The following ZNF668 variants were observed in gnomAD, a reference collection of about 807,000 sequenced individuals.
ZNF668 encodes the protein zinc finger protein 668.
ZNF668 carries 10 observed loss-of-function variants against 40.3 expected under a neutral mutation model. The observed-to-expected ratio is 0.25, with a 90% CI of 0.15 to 0.42. The LOEUF is 0.42. Among genes scored for constraint, ZNF668 ranks in the 10% least tolerant of loss-of-function variants. The pLI is 1.00. For synonymous variants in ZNF668, 428 were observed against 384.6 expected, an observed-to-expected ratio of 1.11 and a Z score of -1.32; for missense variants, 749 against 904.6, an observed-to-expected ratio of 0.83 and a Z score of 2.21.
At chr16:31,071,074 TG>T (rs1437918102) in intron 1 of ZNF668, among the ~76,000 whole-genome samples, 1 of 151,968 alleles carries the variant, frequency 6.6e-6, no homozygotes, top group Non-Finnish European at 1.5e-5. Context: ...TAGGCTGGTC[TG>T]GAACTCCTGA....
intron 1 of ZNF668, chr16:31,073,375 A>G (rs2057032918): frequency 6.6e-6 from 1 of 152,032 alleles, no homozygotes; most frequent in Admixed American, 6.6e-5. Flanking sequence ...AACCCAAAAC[A>G]TGGCGGGCTC....
chr16:31,066,435 A>G, intron 1 of ZNF668: 1 of 940,154 alleles, frequency 1.1e-6, no homozygotes, highest in Non-Finnish European at 1.3e-6. Flanking sequence ...CATGCGCCTT[A>G]AGTCCCAGCT....
At chr16:31,070,267 G>A (rs1436313345) in intron 1 of ZNF668, among the ~76,000 whole-genome samples, 2 of 150,440 alleles carry the variant, frequency 1.3e-5, no homozygotes, top group African/African-American at 2.5e-5. Context: ...GAGTGCAATG[G>A]CACAATATCT....
chr16:31,062,316 A>C, intron 2 of ZNF668, 36 bp from the exon 3 acceptor site: 2 of 1,561,154 alleles, frequency 1.3e-6, no homozygotes, highest in East Asian at 4.5e-5. Context: ...TGAAGGCGAC[A>C]GACCCATAAC....
chr16:31,067,520 G>A (rs1012773253), intron 1 of ZNF668, among the ~76,000 whole-genome samples: 6 of 152,178 alleles, frequency 3.9e-5, no homozygotes, highest in Admixed American at 3.3e-4. Flanking sequence ...TAGAACCTCA[G>A]TTTTCTAATC....
At chr16:31,070,440 T>C (rs1311920406) in intron 1 of ZNF668, among the ~76,000 whole-genome samples, 2 of 147,258 alleles carry the variant, frequency 1.4e-5, no homozygotes, top group Admixed American at 1.4e-4. Flanking sequence ...ACTCCTGACC[T>C]CAAGTGATCC....
At chr16:31,063,750 A>G in intron 2 of ZNF668, 63 bp downstream of exon 2, 3 of 1,445,092 alleles carry the variant, frequency 2.1e-6, no homozygotes, top group Non-Finnish European at 9.1e-7. Flanking sequence ...CCCAGGCCCC[A>G]TTGGCTGCAG....
chr16:31,062,754 A>G (rs2143759085), intron 2 of ZNF668: 1 of 109,926 alleles, frequency 9.1e-6, no homozygotes, highest in East Asian at 2.5e-4. Flanking sequence ...GCAGAGCGAG[A>G]CTCCGTCTCA....
In ZNF668 at chr16:31,073,701, C is replaced by A. The variant is rs1159136331; in HGVS notation, c.-65G>T. 6.6e-6 allele frequency: 1 copy of A among 152,244 alleles called. No individual in the cohort carries two copies. The highest frequency in any genetic ancestry group is 2.4e-5 in the African/African-American group (1 of 41,460). 9.4% of individuals were successfully genotyped at this position (152,244 alleles called of 1,614,324 possible). A position where few individuals can be genotyped will look rare whatever the true frequency, so the allele number is the denominator to read the frequency against. On this transcript the variant is annotated 5_prime_UTR_variant, in exon 1 of 3. It adds an upstream start codon to the 5' untranslated region. Coordinates refer to ENST00000300849, the MANE Select transcript of ZNF668 (RefSeq NM_024706.5). ...GACTCCGTGGCGTCGGCGTCGGCTC[C>A]TCGCACCGACGGAGCCCGGACCCTG...
chr16:31,064,355 G>A lies in ZNF668; in HGVS notation c.105C>T (p.Pro35=). ...GTGTGGCAGCGTGGCGCGCTGCCCTGGGCGCGTTTGGAAATGTCTTGGTAC... is the reference window on the plus strand; with the variant it reads ...GTGTGGCAGCGTGGCGCGCTGCCCTAGGCGCGTTTGGAAATGTCTTGGTAC... ...LSCTKTFPNA[P]RAARHAATHG... The change falls in exon 2 of 3, where the codon CCC becomes CCT. Residue 35 remains proline (P), a synonymous_variant. Transcript: ENST00000300849. 1 of 1,613,962 alleles carries A rather than the reference G, an allele frequency of 6.2e-7. No individual in the cohort carries two copies. Among genetic ancestry groups the A allele is most frequent in the Non-Finnish European group, 8.5e-7 (1 of 1,180,040 alleles).
chr16:31,061,329 C>A lies in ZNF668; in HGVS notation c.1599G>T (p.Arg533=). Residue 533 remains arginine (R), a synonymous_variant, in exon 3 of 3, where the codon CGG becomes CGT. Coordinates refer to ENST00000300849, the MANE Select transcript of ZNF668 (RefSeq NM_024706.5). The surrounding 1 kb of genome is among the most constrained non-coding windows in gnomAD (Gnocchi z 7.7). ...ETFSTMTLLR[R]HERSHPELRP... ...GGAGCTCCGGGTGTGAGCGCTCGTG[C>A]CGACGCAGCAGCGTCATTGTGGAGA... 1.3e-6 allele frequency: 2 copies of A among 1,595,360 alleles called. No individual in the cohort carries two copies. The highest frequency in any genetic ancestry group is 1.1e-5 in the South Asian group (1 of 88,354).
chr16:31,068,096 G>C (rs1165091893), intron 1 of ZNF668, among the ~76,000 whole-genome samples: 1 of 151,108 alleles, frequency 6.6e-6, no homozygotes, highest in Non-Finnish European at 1.5e-5. Flanking sequence ...TAGCTGGAGG[G>C]GAAATCCCTC....
chr16:31,063,229 C>G (rs2056949353), intron 2 of ZNF668, among the ~76,000 whole-genome samples: 1 of 152,170 alleles, frequency 6.6e-6, no homozygotes, highest in South Asian at 2.1e-4. Flanking sequence ...ACCTCCCAGG[C>G]TCAGGCCATC....
rs143497950 is a variant in ZNF668, at chr16:31,066,410, A to G, written c.-22-1929T>C. 414 of 982,502 alleles carry G rather than the reference A, an allele frequency of 4.2e-4. No individual in the cohort carries two copies. The Middle Eastern group carries it at 7.3e-3, about 17-fold the overall frequency. 60.9% of individuals were successfully genotyped at this position (982,502 alleles called of 1,614,324 possible). A position where few individuals can be genotyped will look rare whatever the true frequency, so the allele number is the denominator to read the frequency against. On this transcript the variant is annotated intron_variant, in intron 1 of 2. Transcript: ENST00000300849. Reference sequence around the variant, plus strand: ...CTTTTCCCACTAAATCCTAGGGCTTAGCCAGGTGTGGTGGCATGCGCCTTA... The same window carrying G: ...CTTTTCCCACTAAATCCTAGGGCTTGGCCAGGTGTGGTGGCATGCGCCTTA...
intron 1 of ZNF668, 194 bp downstream of exon 1, chr16:31,073,465 G>C (rs1205804971): frequency 2.0e-5 from 3 of 152,164 alleles, no homozygotes; most frequent in African/African-American, 7.2e-5. Flanking sequence ...GAACCGCGGA[G>C]ACAGCCGGCG....
At chr16:31,069,776 T>A (rs1261514336) in intron 1 of ZNF668, among the ~76,000 whole-genome samples, 65 of 138,750 alleles carry the variant, frequency 4.7e-4, no homozygotes, top group Middle Eastern at 3.7e-3. Context: ...GGCTATTTTT[T>A]TTTTTTTTTT....
At position 31,064,205 on chromosome 16, in the gene ZNF668, C is replaced by A; in HGVS notation, c.255G>T (p.Ala85=). ...SGSAAKPRPY[A]CPLCPKAYKT... ...TGTAGGCCTTGGGGCATAGCGGACA[C>A]GCATAGGGCCTAGGCTTGGCCGCGG... Residue 85 remains alanine, a synonymous_variant, in exon 2 of 3, where the codon GCG becomes GCT. Transcript: ENST00000300849. 1.2e-6 allele frequency: 2 copies of A among 1,612,808 alleles called. No individual in the cohort carries two copies. Among genetic ancestry groups the A allele is most frequent in the African/African-American group, 1.3e-5 (1 of 75,076 alleles).
chr16:31,066,603 C>A (rs887267838), intron 1 of ZNF668, among the ~76,000 whole-genome samples: 1 of 152,162 alleles, frequency 6.6e-6, no homozygotes, highest in African/African-American at 2.4e-5. Context: ...GCCTGTAGTA[C>A]TGCCTACTTG....
At chr16:31,072,638 C>A (rs2057023792) in intron 1 of ZNF668, 1 of 152,352 alleles carries the variant, frequency 6.6e-6, no homozygotes, top group Non-Finnish European at 1.5e-5. Flanking sequence ...ACAGGCCTCA[C>A]GGCCAGGAGT....
Sources: gnomAD v4.1 joint callset for allele counts (sites outside exome capture counted in the v4.1 genomes callset) on GRCh38, gnomAD v4.1.1 for gene constraint, Gnocchi (gnomAD v3.1) non-coding constraint, MANE v1.5 for transcripts, NCBI Gene and HGNC (gene_info 2026-07-23, HGNC 2026-07-21) for gene names.